ARL15: variants seen among roughly 807,000 people sequenced by gnomAD.
The protein encoded by ARL15 is ARF like GTPase 15, also known as ADP-ribosylation factor-like protein 15.
In ARL15, 19 loss-of-function variants were observed where a neutral mutation model predicts 25.2. The ratio of observed to expected loss-of-function variants is 0.75; its 90% CI spans 0.53 to 1.10. The LOEUF (loss-of-function observed/expected upper bound fraction) is 1.10, where lower values mean the gene tolerates loss of function less well. Ranked by LOEUF, ARL15 falls within the 50% of genes least tolerant of loss-of-function variation. ARL15 has a pLI of 0.00. For missense variants in ARL15, 220 were observed against 246.0 expected (o/e 0.89, Z 0.71); for synonymous variants, 94 against 86.8 (o/e 1.08, Z -0.46).
intron 4 of ARL15, among the ~76,000 whole-genome samples, chr5:53,917,285 C>CA (rs1745681818): frequency 6.6e-6 from 1 of 152,148 alleles, no homozygotes; most frequent in Non-Finnish European, 1.5e-5. Context: ...ATTGAATCAT[C>CA]AAAAAATTCT....
At chr5:53,966,914 A>G (rs1454793661) in intron 4 of ARL15, among the ~76,000 whole-genome samples, 1 of 152,252 alleles carries the variant, frequency 6.6e-6, no homozygotes, top group African/African-American at 2.4e-5. Flanking sequence ...TTTGATTATA[A>G]TAATGAAATG....
chr5:54,165,167 G>A (rs1397442236), intron 2 of ARL15, among the ~76,000 whole-genome samples: 1 of 151,848 alleles, frequency 6.6e-6, no homozygotes, highest in Admixed American at 6.6e-5. Context: ...TTGTGCTATT[G>A]TTCTCAGGCA....
chr5:54,022,098 A>G (rs1373470121), intron 4 of ARL15, among the ~76,000 whole-genome samples: 1 of 151,886 alleles, frequency 6.6e-6, no homozygotes, highest in Admixed American at 6.5e-5. Flanking sequence ...AGGGAAACTC[A>G]GAGAATTTGT....
At chr5:54,024,203 T>G (rs1306843374) in intron 4 of ARL15, among the ~76,000 whole-genome samples, 1 of 152,232 alleles carries the variant, frequency 6.6e-6, no homozygotes, top group African/African-American at 2.4e-5. Context: ...CTGGCTTGGT[T>G]GTTGTACTAT....
intron 1 of ARL15, among the ~76,000 whole-genome samples, chr5:54,260,920 G>A (rs1165237937): frequency 1.3e-5 from 2 of 152,132 alleles, no homozygotes; most frequent in East Asian, 3.8e-4. Context: ...AATATAGCCT[G>A]GATAATGAGT....
intron 4 of ARL15, among the ~76,000 whole-genome samples, chr5:53,908,428 A>C (rs942249030): frequency 6.6e-6 from 1 of 152,212 alleles, no homozygotes; most frequent in Non-Finnish European, 1.5e-5. Context: ...CAGCATTTAC[A>C]TTATATTAGG....
intron 1 of ARL15, among the ~76,000 whole-genome samples, chr5:54,226,088 G>C (rs964366384): frequency 6.6e-5 from 10 of 152,118 alleles, no homozygotes; most frequent in African/African-American, 2.4e-4. Flanking sequence ...ATAGACACGG[G>C]GGGAGTGGGA....
intron 1 of ARL15, chr5:54,282,259 T>C (rs138465096): frequency 1.0e-6 from 1 of 985,460 alleles, no homozygotes; most frequent in Non-Finnish European, 1.2e-6. Context: ...CACAAAAATA[T>C]ACATTGCTTA....
At chr5:53,969,728 T>G (rs534873508) in intron 4 of ARL15, among the ~76,000 whole-genome samples, 1 of 152,216 alleles carries the variant, frequency 6.6e-6, no homozygotes, top group South Asian at 2.1e-4. Flanking sequence ...ATTTTGTGAG[T>G]TGACAATTTT....
chr5:54,076,289 CAG>C (rs1751602205), intron 4 of ARL15, among the ~76,000 whole-genome samples: 4 of 151,992 alleles, frequency 2.6e-5, no homozygotes, highest in Admixed American at 2.0e-4. Context: ...TGCATGGTGG[CAG>C]GCGCCTGTAG....
intron 4 of ARL15, among the ~76,000 whole-genome samples, chr5:53,983,795 T>G (rs1299061925): frequency 6.6e-6 from 1 of 152,216 alleles, no homozygotes; most frequent in Non-Finnish European, 1.5e-5. Context: ...CACGCAGTCC[T>G]CTGCCAGACT....
intron 1 of ARL15, among the ~76,000 whole-genome samples, chr5:54,281,960 C>T (rs1197006489): frequency 6.6e-6 from 1 of 152,070 alleles, no homozygotes; most frequent in East Asian, 1.9e-4. Flanking sequence ...TTGTTTAATC[C>T]AATCTATTAT....
chr5:53,980,198 C>A (rs954392653), intron 4 of ARL15, among the ~76,000 whole-genome samples: 5 of 152,214 alleles, frequency 3.3e-5, no homozygotes, highest in African/African-American at 1.2e-4. Context: ...ACTTCATTAT[C>A]TCTATCTTCC....
chr5:54,181,774 A>T (rs1429804528), intron 1 of ARL15, among the ~76,000 whole-genome samples: 1 of 152,176 alleles, frequency 6.6e-6, no homozygotes, highest in Non-Finnish European at 1.5e-5. Flanking sequence ...TCTCTTCAAA[A>T]GAAAAATTTA....
At chr5:54,309,051 A>T (rs1175797041) in intron 1 of ARL15, among the ~76,000 whole-genome samples, 2 of 152,266 alleles carry the variant, frequency 1.3e-5, no homozygotes, top group African/African-American at 2.4e-5. Flanking sequence ...ATCTTCTGGC[A>T]GCTCTCTTAA....
chr5:54,200,326 A>C (rs148775975), intron 1 of ARL15, among the ~76,000 whole-genome samples: 1,631 of 151,094 alleles, frequency 0.011, 31 homozygotes, highest in African/African-American at 0.037. Flanking sequence ...AAAAGAAAAA[A>C]ATAAATAAAA....
chr5:53,902,722 G>C (rs1442669161), intron 4 of ARL15, among the ~76,000 whole-genome samples: 1 of 152,174 alleles, frequency 6.6e-6, no homozygotes, highest in Non-Finnish European at 1.5e-5. Flanking sequence ...AGTCACCAAT[G>C]GAGGGTGCCA....
intron 1 of ARL15, among the ~76,000 whole-genome samples, chr5:54,205,240 C>T (rs1340611594): frequency 6.6e-6 from 1 of 152,078 alleles, no homozygotes; most frequent in Non-Finnish European, 1.5e-5. Flanking sequence ...TCATAACTCC[C>T]CTGGGAGGTA....
intron 2 of ARL15, among the ~76,000 whole-genome samples, chr5:54,156,022 G>T (rs1346616126): frequency 6.6e-6 from 1 of 152,124 alleles, no homozygotes; most frequent in Non-Finnish European, 1.5e-5. Context: ...GACAAATTAT[G>T]AGTCTTTGAG....
Sources: gnomAD v4.1 joint callset for allele counts (sites outside exome capture counted in the v4.1 genomes callset) on GRCh38, gnomAD v4.1.1 for gene constraint, MANE v1.5 for transcripts, NCBI Gene and HGNC (gene_info 2026-07-23, HGNC 2026-07-21) for gene names.